Variants in MYOF observed in about 807,000 individuals in gnomAD.
The protein encoded by MYOF is fer-1-like 3, myoferlin.
MYOF carries 244 observed loss-of-function variants against 284.2 expected under a neutral mutation model. That is an observed-to-expected ratio of 0.86 (90% CI 0.77 to 0.95). MYOF has a LOEUF of 0.95. Ranked by LOEUF, MYOF falls within the 40% of genes least tolerant of loss-of-function variation. The pLI, the probability that MYOF is intolerant of heterozygous loss-of-function variation, is 0.00. For synonymous variants in MYOF, 904 were observed against 919.7 expected (o/e 0.98, Z 0.31); for missense variants, 2,496 against 2,560.6 (o/e 0.97, Z 0.54).
chr10:93,472,304 G>C (rs2057165666), intron 1 of MYOF, among the ~76,000 whole-genome samples: 2 of 152,206 alleles, frequency 1.3e-5, no homozygotes, highest in South Asian at 4.1e-4. Flanking sequence ...TGGAACACTT[G>C]TGCAGTGCTG....
intron 20 of MYOF, 55 bp downstream of exon 20, chr10:93,381,164 T>C (rs1467191733): frequency 1.0e-5 from 16 of 1,576,004 alleles, no homozygotes; most frequent in Non-Finnish European, 1.4e-5. Flanking sequence ...TTGCTTCCGG[T>C]CCCGTGGTGC....
chr10:93,442,984 C>G (rs182280709), intron 3 of MYOF, among the ~76,000 whole-genome samples: 2 of 151,824 alleles, frequency 1.3e-5, no homozygotes, highest in African/African-American at 4.8e-5. Flanking sequence ...AATGGTGAAA[C>G]CCCGTCTCTG....
At chr10:93,444,108 C>G (rs11187430) in intron 3 of MYOF, among the ~76,000 whole-genome samples, 1 of 152,204 alleles carries the variant, frequency 6.6e-6, no homozygotes, top group Non-Finnish European at 1.5e-5. Context: ...CAAGTTGGAA[C>G]TAGGGTGCTG....
intron 36 of MYOF, among the ~76,000 whole-genome samples, chr10:93,348,478 G>C (rs1844344822): frequency 6.6e-6 from 1 of 152,142 alleles, no homozygotes; most frequent in South Asian, 2.1e-4. Flanking sequence ...TCTATCTCTG[G>C]CTTGACACAG....
intron 50 of MYOF, among the ~76,000 whole-genome samples, chr10:93,313,729 C>G: frequency 6.6e-6 from 1 of 151,902 alleles, no homozygotes; most frequent in East Asian, 1.9e-4. Context: ...GGTGAAACCC[C>G]GTCTCTACTA....
intron 41 of MYOF, among the ~76,000 whole-genome samples, chr10:93,335,324 CCATGTAGCTTGGGAAAGACTGGCT>C (rs1843545307): frequency 6.6e-6 from 1 of 151,806 alleles, no homozygotes; most frequent in African/African-American, 2.4e-5. Context: ...AGGCAGGGGA[CCATGTAGCTTGGGAAAGACTGGCT>C]CTGCCTTTGA....
At chr10:93,417,176 T>C (rs10509657) in intron 5 of MYOF, among the ~76,000 whole-genome samples, 16,212 of 152,248 alleles carry the variant, frequency 0.11, 885 homozygotes, top group African/African-American at 0.12. Flanking sequence ...ATAATTATAA[T>C]GTCACTTGGT....
chr10:93,453,219 G>A (rs1194437166), intron 2 of MYOF, among the ~76,000 whole-genome samples: 2 of 151,894 alleles, frequency 1.3e-5, no homozygotes, highest in African/African-American at 4.8e-5. Flanking sequence ...AGGCTAGAGT[G>A]CAGTGGCACA....
In MYOF at chr10:93,347,734, T is replaced by C. The variant is rs750065641; in HGVS notation, c.4132A>G (p.Ile1378Val). The change falls in exon 37 of 54, where the codon ATC becomes GTC. Residue 1378 changes from isoleucine (I) to valine (V), a missense_variant. Around this residue, in one of 3 missense-constraint regions of MYOF, gnomAD observed 2,436 missense variants for 2,480.7 expected, o/e 0.98. Transcript: ENST00000359263. ...TTCCGCCCAAACTGCCTGTGGTCGA[T>C]GACCTTGATCACCAGTGGGGGCATG... ...LYMPPLVIKV[I>V]DHRQFGRKPV... The C allele has an allele frequency of 2.5e-6, 4 of 1,614,084 alleles. No homozygotes were observed. Among genetic ancestry groups the C allele is most frequent in the African/African-American group, 1.3e-5 (1 of 75,016 alleles).
chr10:93,430,223 C>T (rs1460750812), intron 4 of MYOF, among the ~76,000 whole-genome samples: 2 of 151,728 alleles, frequency 1.3e-5, no homozygotes, highest in Non-Finnish European at 2.9e-5. Flanking sequence ...CGTGAGCCAC[C>T]GCGCCCAGCA....
chr10:93,419,781 C>G (rs768001067), intron 5 of MYOF, among the ~76,000 whole-genome samples: 1 of 152,200 alleles, frequency 6.6e-6, no homozygotes, highest in Non-Finnish European at 1.5e-5. Flanking sequence ...CAATGGCTTT[C>G]TCACCTCTGT....
chr10:93,381,206 G>C lies in MYOF; in HGVS notation c.1876+13C>G. 6.2e-7 allele frequency: 1 copy of C among 1,613,958 alleles called. No homozygotes were observed. The highest frequency in any genetic ancestry group is 1.1e-5 in the South Asian group (1 of 91,042). ...TGTAAACGTGTGGAGAGAACTGTTA[G>C]TGCCAATCTTACCATCAAATACAGC... On this transcript the variant is annotated intron_variant, in intron 20 of 53. Transcript: ENST00000359263.
At chr10:93,400,343 T>A (rs1035680684) in intron 12 of MYOF, among the ~76,000 whole-genome samples, 10 of 147,926 alleles carry the variant, frequency 6.8e-5, no homozygotes, top group African/African-American at 9.8e-5. Context: ...TTTTTTTTTT[T>A]AAATAGAGAC....
At chr10:93,435,529 C>A (rs1038050163) in intron 3 of MYOF, among the ~76,000 whole-genome samples, 2 of 152,178 alleles carry the variant, frequency 1.3e-5, no homozygotes, top group Admixed American at 6.5e-5. Flanking sequence ...GGCTAAGTCA[C>A]CCAACTCTTC....
chr10:93,399,289 G>A (rs1847165502), intron 13 of MYOF, 103 bp downstream of exon 13: 11 of 842,096 alleles, frequency 1.3e-5, no homozygotes, highest in Non-Finnish European at 1.9e-5. Flanking sequence ...GGCTCATCAG[G>A]GGGCTATTTT....
At chr10:93,397,639 C>T (rs1847085206) in intron 13 of MYOF, among the ~76,000 whole-genome samples, 183 bp from the exon 14 acceptor site, 4 of 151,064 alleles carry the variant, frequency 2.6e-5, no homozygotes, top group African/African-American at 4.9e-5. Flanking sequence ...ATTGCTGTTT[C>T]GAGGCACTAG....
intron 53 of MYOF, among the ~76,000 whole-genome samples, chr10:93,308,264 A>AAAT (rs1842219296): frequency 4.0e-5 from 6 of 150,436 alleles, no homozygotes; most frequent in Non-Finnish European, 5.9e-5. Flanking sequence ...AAAATAAAAA[A>AAAT]AATAGAAGTT....
chr10:93,401,528 C>T lies in MYOF; in HGVS notation c.1007G>A (p.Arg336His), dbSNP rs370100508. Reference sequence around the variant, plus strand: ...CTCCACATCATCACTGTCATTATCACGATCTCGTCTCTCAGGCTATTAGGG... The same window carrying T: ...CTCCACATCATCACTGTCATTATCATGATCTCGTCTCTCAGGCTATTAGGG... The part of the protein sequence containing the change: ...GDEPPPERRD[R>H]DNDSDDVESN... The change falls in exon 12 of 54, where the codon CGT (arginine) becomes CAT (histidine). Residue 336 changes from arginine to histidine, a missense_variant. Transcript: ENST00000359263. 47 of 1,614,074 alleles carry T rather than the reference C, an allele frequency of 2.9e-5. No homozygotes were observed. Among genetic ancestry groups the T allele is most frequent in the Middle Eastern group, 1.7e-4 (1 of 6,060 alleles).
rs1378006026 is a variant in MYOF, at chr10:93,387,662, C to T, written c.1698+135G>A. 1.5e-5 allele frequency: 11 copies of T among 721,564 alleles called. No homozygotes were observed. The East Asian group carries it at 2.2e-4, about 15-fold the overall frequency. The allele number at this position is 721,564 out of a possible 1,614,324, so 44.7% of individuals were successfully genotyped here. On this transcript the variant is annotated intron_variant, in intron 19 of 53. Coordinates refer to ENST00000359263, the MANE Select transcript of MYOF (RefSeq NM_013451.4). ...ACATCTCAAAGGATGAAGCGATCCT[C>T]ATAGGGCTGTTGTAGAAACATCCAG...
Sources: gnomAD v4.1 joint callset for allele counts (sites outside exome capture counted in the v4.1 genomes callset) on GRCh38, gnomAD v4.1.1 for gene constraint, gnomAD v4.1.1 regional missense constraint, MANE v1.5 for transcripts, NCBI Gene and HGNC (gene_info 2026-07-23, HGNC 2026-07-21) for gene names.